ENTPD5: variants seen among roughly 807,000 people sequenced by gnomAD.
The protein encoded by ENTPD5 is nucleoside diphosphate phosphatase ENTPD5.
A neutral mutation model predicts 60.2 loss-of-function variants in ENTPD5; 49 were observed. The observed-to-expected ratio is 0.81, with a 90% CI of 0.65 to 1.03. The LOEUF is 1.03. Ranked by LOEUF, ENTPD5 falls within the 50% of genes least tolerant of loss-of-function variation. The pLI, the probability that ENTPD5 is intolerant of heterozygous loss-of-function variation, is 0.00. For synonymous variants in ENTPD5, 187 were observed against 185.4 expected (o/e 1.01, Z -0.07); for missense variants, 480 against 507.6 (o/e 0.95, Z 0.52).
intron 11 of ENTPD5, 44 bp from the exon 12 acceptor site, chr14:73,974,022 G>A: frequency 6.4e-7 from 1 of 1,554,324 alleles, no homozygotes; most frequent in Non-Finnish European, 8.9e-7. Flanking sequence ...GTAAGTGAGA[G>A]AGAGGGAGGA....
chr14:73,969,990 T>C lies in ENTPD5; in HGVS notation c.1200+20A>G. 1 of 1,547,354 alleles carries C rather than the reference T, an allele frequency of 6.5e-7. No homozygotes were observed. Among genetic ancestry groups the C allele is most frequent in the Non-Finnish European group, 8.9e-7 (1 of 1,119,290 alleles). ...CCACAAAAGAGGGCTGTTATGAGACTCTGGTGTCCTGTCTCTTACCTGTAA... is the reference window on the plus strand; with the variant it reads ...CCACAAAAGAGGGCTGTTATGAGACCCTGGTGTCCTGTCTCTTACCTGTAA... On this transcript the variant is annotated intron_variant, in intron 15 of 15. Transcript: ENST00000334696.
chr14:73,976,956 C>T, intron 8 of ENTPD5, 68 bp downstream of exon 8: 2 of 1,318,044 alleles, frequency 1.5e-6, no homozygotes, highest in South Asian at 1.2e-5. Context: ...AAAGAAAAGG[C>T]TTTTACTCCT....
At chr14:73,960,870 G>C, downstream of ENTPD5, 1 of 468,746 alleles carries the variant, frequency 2.1e-6, no homozygotes, top group Non-Finnish European at 3.9e-6. Flanking sequence ...GGAGGTAGAA[G>C]GATACTGTGT....
intron 2 of ENTPD5, 144 bp downstream of exon 2, chr14:74,015,680 T>C (rs1218080860): frequency 6.6e-6 from 1 of 152,050 alleles, no homozygotes; most frequent in Non-Finnish European, 1.5e-5. Flanking sequence ...TGATACATAA[T>C]AGTTCTAAAT....
chr14:74,001,551 C>T (rs1028507821), intron 3 of ENTPD5, among the ~76,000 whole-genome samples: 32 of 149,716 alleles, frequency 2.1e-4, no homozygotes, highest in Admixed American at 1.6e-3. Context: ...ACCTGTAGTC[C>T]GAGCTACTCG....
chr14:74,015,206 A>C (rs1363339979), intron 2 of ENTPD5, among the ~76,000 whole-genome samples: 1 of 151,996 alleles, frequency 6.6e-6, no homozygotes, highest in African/African-American at 2.4e-5. Flanking sequence ...TCCACCTATA[A>C]AGTACCATCT....
intron 3 of ENTPD5, among the ~76,000 whole-genome samples, chr14:73,990,502 T>G (rs944712648): frequency 2.0e-5 from 3 of 151,490 alleles, no homozygotes; most frequent in Non-Finnish European, 2.9e-5. Context: ...ACCTGGCTAT[T>G]TTTTTTATTT....
At chr14:74,006,143 C>T (rs1169145549) in intron 3 of ENTPD5, among the ~76,000 whole-genome samples, 1 of 151,978 alleles carries the variant, frequency 6.6e-6, no homozygotes, top group Non-Finnish European at 1.5e-5. Flanking sequence ...CATACACCAC[C>T]AAGCCCAGCA....
chr14:73,974,002 TA>T lies in ENTPD5; in HGVS notation c.785-25del, dbSNP rs767487297. 13 of 1,601,656 alleles carry T rather than the reference TA, an allele frequency of 8.1e-6. 1 individual carries two copies. The Middle Eastern group carries it at 6.6e-4, about 81-fold the overall frequency. Reference sequence around the variant, plus strand: ...CCCTGAAAGAATCCAGGGCACAAGGTAAGAGGTAAGTAAGTGAGAGAGAGGG... The same window carrying T: ...CCCTGAAAGAATCCAGGGCACAAGGTAGAGGTAAGTAAGTGAGAGAGAGGG... On this transcript the variant is annotated intron_variant, in intron 11 of 15. Coordinates refer to ENST00000334696, the MANE Select transcript of ENTPD5 (RefSeq NM_001249.5).
chr14:73,962,973 C>G (rs778363311), downstream of ENTPD5: 26 of 1,608,052 alleles, frequency 1.6e-5, no homozygotes, highest in Non-Finnish European at 2.2e-5. Flanking sequence ...TCTCCAGGAA[C>G]AGATTATGGC....
chr14:74,005,492 A>G (rs1168990472), intron 3 of ENTPD5, among the ~76,000 whole-genome samples: 1 of 151,976 alleles, frequency 6.6e-6, no homozygotes, highest in Non-Finnish European at 1.5e-5. Context: ...GAGCCATCAC[A>G]TCGGCTGCTA....
At chr14:74,018,832 A>G (rs1187309706) in intron 1 of ENTPD5, 1 of 152,328 alleles carries the variant, frequency 6.6e-6, no homozygotes, top group Non-Finnish European at 1.5e-5. Flanking sequence ...CTGCCTATCA[A>G]AAAACATTTG....
chr14:73,986,647 C>T (rs1011174881), intron 5 of ENTPD5, 167 bp downstream of exon 5: 8 of 613,832 alleles, frequency 1.3e-5, no homozygotes, highest in South Asian at 2.1e-5. Context: ...CCCTCATGAG[C>T]GTGGGAAATG....
intron 15 of ENTPD5, 41 bp downstream of exon 15, chr14:73,969,969 A>T: frequency 7.2e-7 from 1 of 1,395,328 alleles, no homozygotes; most frequent in Non-Finnish European, 1.0e-6. Flanking sequence ...CAACCCCCAC[A>T]AAAGAGGGCT....
intron 3 of ENTPD5, among the ~76,000 whole-genome samples, chr14:73,999,354 G>A (rs1279644751): frequency 1.3e-5 from 2 of 151,916 alleles, no homozygotes; most frequent in African/African-American, 4.8e-5. Flanking sequence ...CAGGTGTGGT[G>A]GCATGCGCCT....
chr14:73,955,807 G>A, downstream of ENTPD5: 29 of 1,614,158 alleles, frequency 1.8e-5, no homozygotes, highest in Non-Finnish European at 2.5e-5. Context: ...GTTTCCAGGT[G>A]TGGGACGCCT....
intron 2 of ENTPD5, among the ~76,000 whole-genome samples, chr14:74,012,294 G>C (rs11852193): frequency 0.035 from 4,472 of 126,474 alleles, 227 homozygotes; most frequent in African/African-American, 0.13. Flanking sequence ...AGTAGAGAGG[G>C]GGGGGTTTCA....
chr14:73,959,911 G>C (rs765220882), downstream of ENTPD5: 250 of 1,187,118 alleles, frequency 2.1e-4, no homozygotes, highest in Non-Finnish European at 2.4e-4. Flanking sequence ...TAACCAGTCA[G>C]CTGTCCCTTT....
chr14:73,975,675 A>T (rs1460647770), intron 10 of ENTPD5, among the ~76,000 whole-genome samples: 1 of 152,110 alleles, frequency 6.6e-6, no homozygotes, highest in African/African-American at 2.4e-5. Context: ...AAGTGCAGGG[A>T]TTACAGGCAT....
Sources: allele counts gnomAD v4.1 joint callset (sites outside exome capture counted in the v4.1 genomes callset), GRCh38; gene constraint gnomAD v4.1.1; transcripts MANE v1.5; gene names NCBI Gene and HGNC (gene_info 2026-07-23, HGNC 2026-07-21).